CACNB2: variants seen among roughly 807,000 people sequenced by gnomAD.
CACNB2 encodes the protein voltage-dependent L-type calcium channel subunit beta-2.
In CACNB2, 42 loss-of-function variants were observed where a neutral mutation model predicts 73.3. The observed-to-expected ratio is 0.57, with a 90% CI of 0.45 to 0.74. The LOEUF (loss-of-function observed/expected upper bound fraction) is 0.74. Ranked by LOEUF, CACNB2 falls within the 30% of genes least tolerant of loss-of-function variation. CACNB2 has a pLI of 0.00. For synonymous variants in CACNB2, 348 were observed against 310.3 expected (o/e 1.12, Z -1.28); for missense variants, 940 against 853.0 (o/e 1.10, Z -1.27).
At chr10:18,251,669 C>T (rs1175010373) in intron 2 of CACNB2, among the ~76,000 whole-genome samples, 1 of 152,188 alleles carries the variant, frequency 6.6e-6, no homozygotes, top group East Asian at 1.9e-4. Flanking sequence ...GACTCAGTTC[C>T]ACAGGCTATA....
intron 3 of CACNB2, among the ~76,000 whole-genome samples, chr10:18,437,609 A>G (rs2046202956): frequency 6.6e-6 from 1 of 152,214 alleles, no homozygotes; most frequent in African/African-American, 2.4e-5. Context: ...ACGTGGGCCA[A>G]TCTAACTGCA....
chr10:18,292,639 G>A (rs1320380308), intron 2 of CACNB2, among the ~76,000 whole-genome samples: 1 of 152,198 alleles, frequency 6.6e-6, no homozygotes, highest in African/African-American at 2.4e-5. Flanking sequence ...CTGGGAGACA[G>A]AGTGAGACTC....
At chr10:18,195,315 T>C (rs1188773241) in intron 2 of CACNB2, among the ~76,000 whole-genome samples, 1 of 152,198 alleles carries the variant, frequency 6.6e-6, no homozygotes, top group Non-Finnish European at 1.5e-5. Flanking sequence ...CGCCCAGCAC[T>C]ATATTCTCAT....
chr10:18,273,292 C>T (rs1427637616), intron 2 of CACNB2, among the ~76,000 whole-genome samples: 1 of 152,072 alleles, frequency 6.6e-6, no homozygotes, highest in Non-Finnish European at 1.5e-5. Context: ...TTGATCGGCT[C>T]TCTCACCATG....
chr10:18,509,230 T>C (rs575168562), intron 6 of CACNB2, among the ~76,000 whole-genome samples: 1 of 152,350 alleles, frequency 6.6e-6, no homozygotes, highest in East Asian at 1.9e-4. Context: ...AACTATCAAG[T>C]GTGGATGGGT....
rs2054135892 is a variant in CACNB2, at chr10:18,543,129, C to G, written c.*3405C>G. On this transcript the variant is annotated 3_prime_UTR_variant, in exon 14 of 14. Transcript: ENST00000324631. ...TAATTCATATAAAACAAATAAAGAGCTGGCTTCTGCACTGTTTATTAGTAG... is the reference window on the plus strand; with the variant it reads ...TAATTCATATAAAACAAATAAAGAGGTGGCTTCTGCACTGTTTATTAGTAG... 1 of 152,080 alleles carries G rather than the reference C, an allele frequency of 6.6e-6. No homozygotes were observed. The highest frequency in any genetic ancestry group is 2.1e-4 in the South Asian group (1 of 4,830). The allele number at this position is 152,080 out of a possible 1,614,324, so 9.4% of individuals were successfully genotyped here.
intron 2 of CACNB2, among the ~76,000 whole-genome samples, chr10:18,398,059 C>T (rs1376157388): frequency 3.9e-5 from 6 of 152,046 alleles, no homozygotes; most frequent in Admixed American, 6.6e-5. Flanking sequence ...GAACCTATTC[C>T]GGAGTTATGG....
At chr10:18,273,864 T>C (rs2038160805) in intron 2 of CACNB2, among the ~76,000 whole-genome samples, 1 of 152,200 alleles carries the variant, frequency 6.6e-6, no homozygotes, top group Non-Finnish European at 1.5e-5. Flanking sequence ...TACCACATAC[T>C]CTTTCATTCC....
At chr10:18,186,697 A>G (rs1433005946) in intron 2 of CACNB2, among the ~76,000 whole-genome samples, 1 of 152,142 alleles carries the variant, frequency 6.6e-6, no homozygotes, top group African/African-American at 2.4e-5. Flanking sequence ...TCATGAGGAC[A>G]ATACCAAGAG....
intron 3 of CACNB2, among the ~76,000 whole-genome samples, chr10:18,410,309 G>T (rs2044546859): frequency 1.3e-5 from 2 of 152,226 alleles, no homozygotes; most frequent in South Asian, 4.1e-4. Context: ...ATATTTTCAG[G>T]AGGAAGCATT....
Position 18,517,905 on chromosome 10 carries a change from A to G in CACNB2, c.805-431A>G, listed in dbSNP as rs376950480. 5.3e-5 allele frequency among the ~76,000 whole-genome samples: 8 copies of G among 152,302 alleles called. No homozygotes were observed. The East Asian group carries it at 1.4e-3, about 26-fold the overall frequency. ...AAACCTAAGATGCAAAGGTAATGCA[A>G]TCTTTCTTTCCTCTGTAATTAACCA... On this transcript the variant is annotated intron_variant, in intron 7 of 13. Transcript: ENST00000324631.
chr10:18,389,241 G>T (rs540539340), intron 2 of CACNB2, among the ~76,000 whole-genome samples: 1 of 152,244 alleles, frequency 6.6e-6, no homozygotes, highest in African/African-American at 2.4e-5. Flanking sequence ...AGCTCAGGCA[G>T]TCCTCCTGCC....
intron 3 of CACNB2, among the ~76,000 whole-genome samples, chr10:18,404,134 A>G (rs2044158177): frequency 6.6e-6 from 1 of 152,120 alleles, no homozygotes; most frequent in African/African-American, 2.4e-5. Context: ...TTTTTAAAAA[A>G]TAGTTTATTT....
At chr10:18,154,196 G>A (rs1485470744) in intron 2 of CACNB2, among the ~76,000 whole-genome samples, 1 of 151,400 alleles carries the variant, frequency 6.6e-6, no homozygotes, top group Non-Finnish European at 1.5e-5. Context: ...AGAAACACTA[G>A]GTATACTTTT....
chr10:18,198,253 TG>T, intron 2 of CACNB2, among the ~76,000 whole-genome samples: 1 of 150,710 alleles, frequency 6.6e-6, no homozygotes. Flanking sequence ...AGTTAATATA[TG>T]CAATAATATA....
chr10:18,208,393 G>A (rs375570202), intron 2 of CACNB2, among the ~76,000 whole-genome samples: 10 of 152,014 alleles, frequency 6.6e-5, no homozygotes, highest in South Asian at 6.2e-4. Flanking sequence ...TGGAAGGATC[G>A]CTTGAGCCTG....
At chr10:18,365,943 A>C (rs569134861) in intron 2 of CACNB2, among the ~76,000 whole-genome samples, 15 of 152,310 alleles carry the variant, frequency 9.8e-5, no homozygotes, top group African/African-American at 2.4e-4. Flanking sequence ...GAATTCCAGG[A>C]AGTTTCTGAG....
At chr10:18,418,911 A>G (rs1199835350) in intron 3 of CACNB2, among the ~76,000 whole-genome samples, 1 of 152,202 alleles carries the variant, frequency 6.6e-6, no homozygotes, top group Non-Finnish European at 1.5e-5. Context: ...GGATTTTTAA[A>G]CAACCAACTA....
chr10:18,534,031 T>C, intron 10 of CACNB2, 45 bp from the exon 11 acceptor site: 1 of 1,604,000 alleles, frequency 6.2e-7, no homozygotes, highest in Non-Finnish European at 8.5e-7. Flanking sequence ...TTTTACTTTA[T>C]CTTAAAAATA....
Sources: gnomAD v4.1 joint callset for allele counts (sites outside exome capture counted in the v4.1 genomes callset) on GRCh38, gnomAD v4.1.1 for gene constraint, MANE v1.5 for transcripts, NCBI Gene and HGNC (gene_info 2026-07-23, HGNC 2026-07-21) for gene names.